ARHGAP24: variants seen among roughly 807,000 people sequenced by gnomAD.
The protein encoded by ARHGAP24 is Rho GTPase activating protein 24.
In ARHGAP24, 50 loss-of-function variants were observed where a neutral mutation model predicts 76.4. The ratio of observed to expected loss-of-function variants is 0.65; its 90% CI spans 0.52 to 0.83. The LOEUF (loss-of-function observed/expected upper bound fraction) is 0.83. Among genes scored for constraint, ARHGAP24 ranks in the 40% least tolerant of loss-of-function variants. The probability of loss-of-function intolerance (pLI) is 0.00; values close to 1 mark genes in which losing one functional copy is unlikely to be tolerated. For missense variants in ARHGAP24, 930 were observed against 914.2 expected (o/e 1.02, Z -0.22); for synonymous variants, 345 against 323.3 (o/e 1.07, Z -0.72).
chr4:85,546,103 C>T (rs115596340), intron 1 of ARHGAP24, among the ~76,000 whole-genome samples: 28 of 152,206 alleles, frequency 1.8e-4, no homozygotes, highest in African/African-American at 6.0e-4. Context: ...ATAGTACATA[C>T]TTCATAGGGT....
At chr4:85,812,790 G>C (rs1334850726) in intron 3 of ARHGAP24, among the ~76,000 whole-genome samples, 1 of 152,142 alleles carries the variant, frequency 6.6e-6, no homozygotes, top group Non-Finnish European at 1.5e-5. Context: ...CTGATACAAG[G>C]CTGGATTCTT....
intron 8 of ARHGAP24, among the ~76,000 whole-genome samples, chr4:85,987,733 A>C (rs1219760968): frequency 1.3e-5 from 2 of 151,994 alleles, no homozygotes; most frequent in African/African-American, 2.4e-5. Flanking sequence ...ATTCAGACTT[A>C]TAAAAATTTT....
intron 2 of ARHGAP24, among the ~76,000 whole-genome samples, chr4:85,712,200 C>T (rs1386733622): frequency 6.6e-6 from 1 of 152,112 alleles, no homozygotes; most frequent in Admixed American, 6.6e-5. Flanking sequence ...AGGACATTAA[C>T]GTGACTGGTT....
At chr4:85,620,514 T>C (rs1560555852) in intron 2 of ARHGAP24, among the ~76,000 whole-genome samples, 1 of 151,778 alleles carries the variant, frequency 6.6e-6, no homozygotes, top group Non-Finnish European at 1.5e-5. Flanking sequence ...CTTTTATTTA[T>C]ACCTTTGAGT....
intron 4 of ARHGAP24, among the ~76,000 whole-genome samples, chr4:85,932,489 C>T (rs1736393081): frequency 7.2e-6 from 1 of 139,468 alleles, no homozygotes; most frequent in African/African-American, 2.7e-5. Flanking sequence ...CCATAGAATC[C>T]TTGTGAACAC....
At chr4:85,809,436 G>C (rs1161945621) in intron 3 of ARHGAP24, among the ~76,000 whole-genome samples, 1 of 152,182 alleles carries the variant, frequency 6.6e-6, no homozygotes. Flanking sequence ...GGTTAATCAA[G>C]TAAGTATTGA....
chr4:85,955,012 A>AAAAT (rs1039334402), intron 5 of ARHGAP24, among the ~76,000 whole-genome samples: 14 of 149,052 alleles, frequency 9.4e-5, no homozygotes, highest in African/African-American at 1.8e-4. Context: ...CTCTGTCTCA[A>AAAAT]AAATAAATAA....
chr4:85,963,967 T>A (rs1338252265), intron 5 of ARHGAP24, among the ~76,000 whole-genome samples: 1 of 152,106 alleles, frequency 6.6e-6, no homozygotes, highest in African/African-American at 2.4e-5. Flanking sequence ...TAGTTAGGTA[T>A]GTATTCATGT....
intron 3 of ARHGAP24, among the ~76,000 whole-genome samples, chr4:85,832,462 G>C (rs1486149867): frequency 6.6e-6 from 1 of 152,182 alleles, no homozygotes; most frequent in Non-Finnish European, 1.5e-5. Context: ...CAAGGCCTCA[G>C]ATGACAAATC....
At position 85,726,029 on chromosome 4, in the gene ARHGAP24, C is replaced by T. The variant is rs1362209706; in HGVS notation, c.268+4057C>T. Among the ~76,000 whole-genome samples, 9 of 152,114 alleles carry T rather than the reference C, an allele frequency of 5.9e-5. 1 individual carries two copies. Among genetic ancestry groups the T allele is most frequent in the African/African-American group, 2.2e-4 (9 of 41,418 alleles). ...CTGATAGTTGGGAGAATTCCTAGTCCTCCCCCTCAAAAACCAGTGCTGATT... is the reference window on the plus strand; with the variant it reads ...CTGATAGTTGGGAGAATTCCTAGTCTTCCCCCTCAAAAACCAGTGCTGATT... On this transcript the variant is annotated intron_variant, in intron 3 of 9. Coordinates refer to ENST00000395184, the MANE Select transcript of ARHGAP24 (RefSeq NM_001025616.3).
chr4:85,942,113 T>C lies in ARHGAP24; in HGVS notation c.439T>C (p.Tyr147His). The C allele has an allele frequency of 6.2e-7, 1 of 1,613,964 alleles. No homozygotes were observed. Among genetic ancestry groups the C allele is most frequent in the Non-Finnish European group, 8.5e-7 (1 of 1,180,006 alleles). ...LEDTVRYEKRYGNRLAPMLVE... is the reference protein window; with the variant it reads ...LEDTVRYEKRHGNRLAPMLVE... ...GGATACTGTTCGTTATGAGAAGAGATATGGGAACCGTCTGGCTCCGATGTT... is the reference window on the plus strand; with the variant it reads ...GGATACTGTTCGTTATGAGAAGAGACATGGGAACCGTCTGGCTCCGATGTT... The change falls in exon 5 of 10, where the codon TAT becomes CAT. Residue 147 changes from tyrosine (Y) to histidine (H), a missense_variant. Coordinates refer to ENST00000395184, the MANE Select transcript of ARHGAP24 (RefSeq NM_001025616.3).
chr4:85,811,807 G>T (rs79413452), intron 3 of ARHGAP24, among the ~76,000 whole-genome samples: 2,238 of 152,210 alleles, frequency 0.015, 56 homozygotes, highest in African/African-American at 0.051. Flanking sequence ...AAGTCATATT[G>T]CTCTTCTGTG....
chr4:85,820,960 C>A (rs1275171540), intron 3 of ARHGAP24, among the ~76,000 whole-genome samples: 2 of 151,882 alleles, frequency 1.3e-5, no homozygotes, highest in South Asian at 4.2e-4. Flanking sequence ...TTGAAAATAA[C>A]AAATATATAA....
chr4:85,537,843 G>T (rs956604096), intron 1 of ARHGAP24, among the ~76,000 whole-genome samples: 1 of 152,184 alleles, frequency 6.6e-6, no homozygotes, highest in African/African-American at 2.4e-5. Flanking sequence ...AGAAAGCCCA[G>T]ATATGGTGCG....
intron 3 of ARHGAP24, among the ~76,000 whole-genome samples, chr4:85,790,640 C>T (rs1032724989): frequency 6.6e-6 from 1 of 152,142 alleles, no homozygotes; most frequent in Admixed American, 6.5e-5. Context: ...TTAAAAAGGA[C>T]TATTTGGGAT....
At chr4:85,820,198 A>G (rs1188654226) in intron 3 of ARHGAP24, among the ~76,000 whole-genome samples, 1 of 152,232 alleles carries the variant, frequency 6.6e-6, no homozygotes, top group Non-Finnish European at 1.5e-5. Flanking sequence ...TGTTCATCAC[A>G]GCACCATTCA....
At chr4:85,516,740 T>C (rs1464563515) in intron 1 of ARHGAP24, among the ~76,000 whole-genome samples, 1 of 151,976 alleles carries the variant, frequency 6.6e-6, no homozygotes, top group African/African-American at 2.4e-5. Context: ...TCATTTTTAG[T>C]CTTTTGACTT....
intron 5 of ARHGAP24, among the ~76,000 whole-genome samples, chr4:85,954,328 G>C (rs890534872): frequency 2.0e-5 from 3 of 152,096 alleles, no homozygotes; most frequent in African/African-American, 7.2e-5. Flanking sequence ...TTCTATCTAA[G>C]ATTACTCTGT....
At chr4:85,533,578 G>A (rs1039104016) in intron 1 of ARHGAP24, among the ~76,000 whole-genome samples, 19 of 152,050 alleles carry the variant, frequency 1.2e-4, no homozygotes, top group Admixed American at 1.3e-4. Context: ...AGCATTCTGC[G>A]TGCTTTATAG....
Sources: allele counts gnomAD v4.1 joint callset (sites outside exome capture counted in the v4.1 genomes callset), GRCh38; gene constraint gnomAD v4.1.1; transcripts MANE v1.5; gene names NCBI Gene and HGNC (gene_info 2026-07-23, HGNC 2026-07-21).